Variants in DYNC2I2 observed in about 807,000 individuals in gnomAD.
The protein encoded by DYNC2I2 is dynein 2 intermediate chain 2.
DYNC2I2 carries 39 observed loss-of-function variants against 52.0 expected under a neutral mutation model. That is an observed-to-expected ratio of 0.75 (90% CI 0.58 to 0.98). The LOEUF (loss-of-function observed/expected upper bound fraction) is 0.98, where lower values mean the gene tolerates loss of function less well. DYNC2I2 is among the 50% of genes least tolerant of loss of function. The pLI is 0.00. For missense variants in DYNC2I2, 743 were observed against 728.4 expected, an observed-to-expected ratio of 1.02 and a Z score of -0.23; for synonymous variants, 359 against 321.1, an observed-to-expected ratio of 1.12 and a Z score of -1.26.
chr9:128,672,075 A>G, the DYNC2I2 span, among the ~76,000 whole-genome samples: 12 of 138,556 alleles, frequency 8.7e-5, no homozygotes, highest in East Asian at 6.7e-4. Context: ...CTGGGTTCAC[A>G]CCATTCTCCT....
chr9:128,675,322 C>A, the DYNC2I2 span, among the ~76,000 whole-genome samples: 2 of 152,036 alleles, frequency 1.3e-5, no homozygotes, highest in African/African-American at 4.8e-5. Context: ...GGATTACAGG[C>A]ATGCACCACC....
chr9:128,648,875 G>A (rs1164350380), intron 1 of DYNC2I2, among the ~76,000 whole-genome samples: 1 of 151,992 alleles, frequency 6.6e-6, no homozygotes, highest in Non-Finnish European at 1.5e-5. Flanking sequence ...TCACTTAGAG[G>A]CCCAGAGCTA....
intron 1 of DYNC2I2, among the ~76,000 whole-genome samples, chr9:128,647,595 C>T (rs1451686919): frequency 1.3e-5 from 2 of 151,988 alleles, no homozygotes; most frequent in African/African-American, 4.8e-5. Context: ...ATTAGCCAGG[C>T]ATGGTGGCAT....
At chr9:128,675,952 G>A in the DYNC2I2 span, among the ~76,000 whole-genome samples, 2 of 152,108 alleles carry the variant, frequency 1.3e-5, no homozygotes, top group African/African-American at 4.8e-5. Context: ...AGGATCACTT[G>A]AGTCTAGGAG....
At chr9:128,677,582 G>T in the DYNC2I2 span, among the ~76,000 whole-genome samples, 1 of 151,762 alleles carries the variant, frequency 6.6e-6, no homozygotes, top group Non-Finnish European at 1.5e-5. Flanking sequence ...TGGATCACCT[G>T]AGGTCAGGAG....
intron 7 of DYNC2I2, 51 bp downstream of exon 7, chr9:128,634,638 G>T: frequency 1.4e-6 from 2 of 1,467,824 alleles, no homozygotes; most frequent in Non-Finnish European, 1.8e-6. Context: ...CTAGAGACCC[G>T]CAGGGCAGGG....
chr9:128,635,334 C>T (rs1860375169), intron 5 of DYNC2I2, 75 bp from the exon 6 acceptor site: 2 of 1,494,444 alleles, frequency 1.3e-6, no homozygotes, highest in South Asian at 2.6e-5. Context: ...CCCCTACCCT[C>T]CCTCTCTTCC....
In DYNC2I2 at chr9:128,634,841, C is replaced by T. The variant is rs1391872501; in HGVS notation, c.1062G>A (p.Thr354=). 10 of 1,613,428 alleles carry T rather than the reference C, an allele frequency of 6.2e-6. No homozygotes were observed. Among genetic ancestry groups the T allele is most frequent in the African/African-American group, 2.7e-5 (2 of 74,948 alleles). The part of the protein sequence containing the change: ...SFDPRLFILG[T]EGGFPLKCSL... Reference sequence around the variant, plus strand: ...AACACTTGAGCGGGAAGCCGCCTTCCGTGCCCAGAATGAACAGCCTAGGGT... The same window carrying T: ...AACACTTGAGCGGGAAGCCGCCTTCTGTGCCCAGAATGAACAGCCTAGGGT... Residue 354 remains threonine (T), a synonymous_variant, in exon 7 of 9, where the codon ACG becomes ACA. Coordinates refer to ENST00000372715, the MANE Select transcript of DYNC2I2 (RefSeq NM_052844.4).
intron 8 of DYNC2I2, 49 bp downstream of exon 8, chr9:128,634,177 C>T (rs1860300478): frequency 6.2e-7 from 1 of 1,608,200 alleles, no homozygotes; most frequent in South Asian, 1.1e-5. Flanking sequence ...AAGCAGGGCC[C>T]AGACCACCCA....
At chr9:128,673,885 C>T in the DYNC2I2 span, among the ~76,000 whole-genome samples, 128,731 of 147,718 alleles carry the variant, frequency 0.87, 58,564 homozygotes, top group Non-Finnish European at 1. Flanking sequence ...CTTGGCTCAC[C>T]GCAACCTCAG....
chr9:128,676,641 C>T, the DYNC2I2 span, among the ~76,000 whole-genome samples: 9 of 151,684 alleles, frequency 5.9e-5, no homozygotes, highest in Admixed American at 1.3e-4. Flanking sequence ...AAGTGACTCT[C>T]CTACCCTAGC....
the DYNC2I2 span, among the ~76,000 whole-genome samples, chr9:128,678,448 ATTTTTTTTTTTTTTT>A: frequency 6.5e-5 from 4 of 61,362 alleles, no homozygotes; most frequent in African/African-American, 7.8e-5. Context: ...ACCACAGGTA[ATTTTTTTTTTTTTTT>A]TTTTTTTTTT....
In DYNC2I2 at chr9:128,635,683, T is replaced by C. The variant is rs1205863103; in HGVS notation, c.788A>G (p.Asp263Gly). The part of the protein sequence containing the change: ...PLLWRTGLTD[D>G]THTDPVSQVV... Reference sequence around the variant, plus strand: ...CTGGGACACAGGGTCTGTGTGGGTGTCATCCGTCAGGCCTGTGCGCCACAG... The same window carrying C: ...CTGGGACACAGGGTCTGTGTGGGTGCCATCCGTCAGGCCTGTGCGCCACAG... The change falls in exon 5 of 9, where the codon GAC becomes GGC. Residue 263 changes from aspartate to glycine, a missense_variant. Physicochemically the swap from Asp to Gly is moderately conservative, Grantham distance 94. Coordinates refer to ENST00000372715, the MANE Select transcript of DYNC2I2 (RefSeq NM_052844.4). 6.2e-7 allele frequency: 1 copy of C among 1,610,564 alleles called. No individual in the cohort carries two copies. The highest frequency in any genetic ancestry group is 1.1e-5 in the South Asian group (1 of 90,280).
chr9:128,640,592 G>A (rs1473078498), intron 2 of DYNC2I2, 99 bp downstream of exon 2: 38 of 1,526,420 alleles, frequency 2.5e-5, no homozygotes, highest in Admixed American at 5.8e-5. Flanking sequence ...TGCTGGCCGT[G>A]ATGATGACTG....
chr9:128,638,388 G>T (rs1373343179), intron 2 of DYNC2I2, among the ~76,000 whole-genome samples: 3 of 151,906 alleles, frequency 2.0e-5, no homozygotes, highest in South Asian at 2.1e-4. Context: ...GTGGTAGCAC[G>T]TGCCTGTGGT....
chr9:128,675,610 C>T, the DYNC2I2 span, among the ~76,000 whole-genome samples: 1 of 152,164 alleles, frequency 6.6e-6, no homozygotes, highest in Admixed American at 6.6e-5. Context: ...CCAGCTGATG[C>T]TCAATAAATG....
At chr9:128,666,708 G>C in the DYNC2I2 span, among the ~76,000 whole-genome samples, 1 of 150,218 alleles carries the variant, frequency 6.7e-6, no homozygotes, top group African/African-American at 2.5e-5. Context: ...TCAGTGACCT[G>C]AGATTGTGCC....
chr9:128,646,962 T>C (rs1314122953), intron 1 of DYNC2I2, among the ~76,000 whole-genome samples: 3 of 151,966 alleles, frequency 2.0e-5, no homozygotes, highest in Non-Finnish European at 4.4e-5. Flanking sequence ...CCGTCTCTAC[T>C]AAAAATACAA....
intron 1 of DYNC2I2, among the ~76,000 whole-genome samples, chr9:128,649,688 C>CAGAAAAAAAA (rs1564344266): frequency 2.1e-5 from 1 of 47,234 alleles, no homozygotes; most frequent in African/African-American, 1.4e-4. Flanking sequence ...GACTCCATCT[C>CAGAAAAAAAA]AAAAAAAAAA....
Sources: gnomAD v4.1 joint callset for allele counts (sites outside exome capture counted in the v4.1 genomes callset) on GRCh38, gnomAD v4.1.1 for gene constraint, MANE v1.5 for transcripts, NCBI Gene and HGNC (gene_info 2026-07-23, HGNC 2026-07-21) for gene names.